The following ASTN1 variants were observed in gnomAD, a reference collection of about 807,000 sequenced individuals.
ASTN1 encodes the protein astrotactin-1.
Under a neutral mutation model 140.7 loss-of-function variants are expected in ASTN1, and 41 were observed. The ratio of observed to expected loss-of-function variants is 0.29; its 90% confidence interval spans 0.23 to 0.38. ASTN1 has a LOEUF of 0.38. Ranked by LOEUF, ASTN1 falls within the 10% of genes least tolerant of loss-of-function variation. The probability of loss-of-function intolerance (pLI) is 1.00; values close to 1 mark genes in which losing one functional copy is unlikely to be tolerated. For missense variants in ASTN1, 1,479 were observed against 1,678.8 expected (o/e 0.88, Z 2.08); for synonymous variants, 640 against 652.2 (o/e 0.98, Z 0.29).
intron 7 of ASTN1, among the ~76,000 whole-genome samples, chr1:177,022,399 A>G (rs929481442): frequency 5.9e-5 from 9 of 152,190 alleles, no homozygotes; most frequent in Non-Finnish European, 1.2e-4. Context: ...GGAAGGATCT[A>G]TTTGTGGTAC....
At position 176,882,855 on chromosome 1, in the gene ASTN1, T is replaced by C. The variant is rs775199126; in HGVS notation, c.3362+4A>G. 6 of 1,614,118 alleles carry C rather than the reference T, an allele frequency of 3.7e-6. No individual in the cohort carries two copies. ...AAGTCACTAGGTAGGTGTGTGTTAC[T>C]CACATGTAAATGGTGTCAGGTTCCA... is the stretch of plus-strand genomic sequence containing the variant. On this transcript the variant is annotated splice_donor_region_variant and intron_variant, in intron 20 of 22. Transcript: ENST00000361833.
intron 8 of ASTN1, among the ~76,000 whole-genome samples, chr1:176,996,757 T>C (rs755282694): frequency 6.6e-6 from 1 of 152,128 alleles, no homozygotes; most frequent in Non-Finnish European, 1.5e-5. Flanking sequence ...TGAAGACTAA[T>C]GACTTCAAAG....
At position 177,086,294 on chromosome 1, in the gene ASTN1, C is replaced by T. The variant is rs556553199; in HGVS notation, c.284-25029G>A. Among the ~76,000 whole-genome samples the T allele has an allele frequency of 3.0e-3, 436 of 146,850 alleles. 17 individuals carry two copies. In the East Asian group the frequency reaches 0.083, roughly 28 times the overall value. ...TGTCATGAATCCATTTAAAAAACTCCTTTTTTCACCTTTTAACTTTCTTCT... is the reference window on the plus strand; with the variant it reads ...TGTCATGAATCCATTTAAAAAACTCTTTTTTTCACCTTTTAACTTTCTTCT... On this transcript the variant is annotated intron_variant, in intron 1 of 22. Coordinates refer to ENST00000361833, the MANE Select transcript of ASTN1 (RefSeq NM_004319.3).
intron 20 of ASTN1, among the ~76,000 whole-genome samples, chr1:176,879,899 A>G (rs769163607): frequency 7.2e-5 from 11 of 152,188 alleles, no homozygotes; most frequent in Non-Finnish European, 1.5e-4. Flanking sequence ...CAGTCAGTTT[A>G]TTTCATCATC....
At chr1:176,913,427 T>C (rs1308646323) in intron 16 of ASTN1, among the ~76,000 whole-genome samples, 2 of 152,220 alleles carry the variant, frequency 1.3e-5, no homozygotes, top group Non-Finnish European at 2.9e-5. Flanking sequence ...AGCATTGGGC[T>C]AGGTACTGTG....
chr1:177,137,627 T>C (rs1011390474), intron 1 of ASTN1, among the ~76,000 whole-genome samples: 2 of 152,202 alleles, frequency 1.3e-5, no homozygotes, highest in African/African-American at 4.8e-5. Flanking sequence ...GTGGAGCTAA[T>C]TCACAAACTG....
rs1668006930 is a variant in ASTN1, at chr1:176,862,671, G to T, written c.*1613C>A. The T allele has an allele frequency of 3.3e-6, 3 of 918,302 alleles. No individual in the cohort carries two copies. The highest frequency in any genetic ancestry group is 1.0e-4 in the South Asian group (2 of 19,916). The allele number at this position is 918,302 out of a possible 1,614,324, so 56.9% of individuals were successfully genotyped here. On this transcript the variant is annotated 3_prime_UTR_variant, in exon 23 of 23. Coordinates refer to ENST00000361833, the MANE Select transcript of ASTN1 (RefSeq NM_004319.3). ...GTGCACAAGGGATTTGAGGCAAGTT[G>T]TATAACCTCTCTTTGCCTCGTTTTC...
At chr1:177,084,296 C>T (rs1679321163) in intron 1 of ASTN1, among the ~76,000 whole-genome samples, 1 of 152,194 alleles carries the variant, frequency 6.6e-6, no homozygotes, top group African/African-American at 2.4e-5. Context: ...TTTTGCTTTA[C>T]CATGACCCCA....
intron 8 of ASTN1, among the ~76,000 whole-genome samples, chr1:176,995,032 G>A (rs919273684): frequency 3.3e-5 from 5 of 152,144 alleles, no homozygotes; most frequent in African/African-American, 9.7e-5. Flanking sequence ...ATAAAAATCT[G>A]ATTTCTCTTT....
intron 2 of ASTN1, among the ~76,000 whole-genome samples, chr1:177,039,339 T>C (rs765703350): frequency 6.6e-6 from 1 of 152,226 alleles, no homozygotes; most frequent in Non-Finnish European, 1.5e-5. Flanking sequence ...TTTGTCTAAA[T>C]ACCAATGACC....
At chr1:177,001,322 C>T (rs1009022711) in intron 8 of ASTN1, among the ~76,000 whole-genome samples, 2 of 152,176 alleles carry the variant, frequency 1.3e-5, no homozygotes, top group African/African-American at 2.4e-5. Flanking sequence ...TTAAGGTTGA[C>T]ATCATTTGGT....
At chr1:176,889,435 G>A (rs922659848) in intron 17 of ASTN1, among the ~76,000 whole-genome samples, 12 of 151,988 alleles carry the variant, frequency 7.9e-5, no homozygotes, top group Non-Finnish European at 1.3e-4. Context: ...AGTGAAACCT[G>A]GCTATCCTTG....
At chr1:176,970,114 T>C (rs1488621182) in intron 8 of ASTN1, among the ~76,000 whole-genome samples, 2 of 152,222 alleles carry the variant, frequency 1.3e-5, no homozygotes, top group Non-Finnish European at 2.9e-5. Context: ...CTCTAAGCAC[T>C]GGCAATTTTC....
Position 176,861,982 on chromosome 1 carries a change from G to A in ASTN1, c.*2302C>T, listed in dbSNP as rs1019873390. On this transcript the variant is annotated 3_prime_UTR_variant, in exon 23 of 23. Coordinates refer to ENST00000361833, the MANE Select transcript of ASTN1 (RefSeq NM_004319.3). ...ACATCATCCACTTCTGGGCAGGAAG[G>A]CATCGGCAGCCTCACCCTCCTTTCA... The A allele has an allele frequency of 1.0e-5, 10 of 985,532 alleles. No individual in the cohort carries two copies. The highest frequency in any genetic ancestry group is 1.2e-5 in the Non-Finnish European group (10 of 830,072). The allele number at this position is 985,532 out of a possible 1,614,324, so 61.0% of individuals were successfully genotyped here. A position where few individuals can be genotyped will look rare whatever the true frequency, so the allele number is the denominator to read the frequency against.
chr1:177,150,120 T>C (rs755802845), intron 1 of ASTN1, among the ~76,000 whole-genome samples: 2 of 152,000 alleles, frequency 1.3e-5, no homozygotes, highest in African/African-American at 2.4e-5. Flanking sequence ...GGAGATAATA[T>C]GCCTGATAGC....
intron 16 of ASTN1, among the ~76,000 whole-genome samples, chr1:176,898,463 A>C (rs949233194): frequency 6.6e-6 from 1 of 152,196 alleles, no homozygotes; most frequent in African/African-American, 2.4e-5. Context: ...TTTTTCAAAG[A>C]AGAAATGCAT....
intron 1 of ASTN1, among the ~76,000 whole-genome samples, chr1:177,109,740 G>C (rs1395476515): frequency 6.6e-6 from 1 of 152,168 alleles, no homozygotes; most frequent in African/African-American, 2.4e-5. Context: ...GTCTGGAACT[G>C]TCCAAGTATG....
chr1:177,066,245 T>C, intron 1 of ASTN1, among the ~76,000 whole-genome samples: 1 of 152,196 alleles, frequency 6.6e-6, no homozygotes, highest in East Asian at 1.9e-4. Flanking sequence ...ATGTTCCCAC[T>C]GGACCTCAGG....
At chr1:177,084,351 C>T (rs1360276065) in intron 1 of ASTN1, among the ~76,000 whole-genome samples, 1 of 152,192 alleles carries the variant, frequency 6.6e-6, no homozygotes, top group African/African-American at 2.4e-5. Context: ...GCTATGTGAG[C>T]TCTAGGGGTT....
Sources: gnomAD v4.1 joint callset for allele counts (sites outside exome capture counted in the v4.1 genomes callset) on GRCh38, gnomAD v4.1.1 for gene constraint, MANE v1.5 for transcripts, NCBI Gene and HGNC (gene_info 2026-07-23, HGNC 2026-07-21) for gene names.